The following ZNF805 variants were observed in gnomAD, a reference collection of about 807,000 sequenced individuals.
ZNF805 encodes the protein CTC-444N24.8.
A neutral mutation model predicts 13.6 loss-of-function variants in ZNF805; 7 were observed. The observed-to-expected ratio is 0.51, with a 90% confidence interval of 0.29 to 0.97. The LOEUF is 0.97. Ranked by LOEUF, ZNF805 falls within the 50% of genes least tolerant of loss-of-function variation. The probability of loss-of-function intolerance (pLI) is 0.08; values close to 1 mark genes in which losing one functional copy is unlikely to be tolerated. For missense variants in ZNF805, 604 were observed against 771.0 expected, an observed-to-expected ratio of 0.78 and a Z score of 2.57; for synonymous variants, 293 against 279.8, an observed-to-expected ratio of 1.05 and a Z score of -0.47.
chr19:57,251,950 T>C (rs2087654768), intron 3 of ZNF805, among the ~76,000 whole-genome samples: 1 of 152,206 alleles, frequency 6.6e-6, no homozygotes, highest in African/African-American at 2.4e-5. Context: ...TGTTCTTCTT[T>C]ATTCCCAGTT....
Position 57,240,691 on chromosome 19 carries a change from C to G in ZNF805, c.-201C>G, listed in dbSNP as rs1483243550. 7.7e-6 allele frequency: 4 copies of G among 519,286 alleles called. No homozygotes were observed. The East Asian group carries it at 1.3e-4, about 17-fold the overall frequency. The allele number at this position is 519,286 out of a possible 1,614,324, so 32.2% of individuals were successfully genotyped here. A position where few individuals can be genotyped will look rare whatever the true frequency, so the allele number is the denominator to read the frequency against. ...TGTTCCGTGGCCGCCTCCCTGGCGG[C>G]GCTGGGGAAATGAGCAGGTAGGAGG... On this transcript the variant is annotated 5_prime_UTR_variant, in exon 1 of 4. Coordinates refer to ENST00000414468, the MANE Select transcript of ZNF805 (RefSeq NM_001023563.4).
intron 1 of ZNF805, among the ~76,000 whole-genome samples, chr19:57,242,899 G>A (rs1447853983): frequency 6.6e-6 from 1 of 152,182 alleles, no homozygotes. Flanking sequence ...TTAAAATCCT[G>A]TCTCTTATAT....
rs1017205014 is a variant in ZNF805, at chr19:57,248,664, A to G, written c.217A>G (p.Thr73Ala). 8 of 1,599,072 alleles carry G rather than the reference A, an allele frequency of 5.0e-6. No homozygotes were observed. Among genetic ancestry groups the G allele is most frequent in the Non-Finnish European group, 6.8e-6 (8 of 1,172,332 alleles). The change falls in exon 3 of 4, where the codon ACC becomes GCC. Residue 73 changes from threonine to alanine, a missense_variant. Coordinates refer to ENST00000414468, the MANE Select transcript of ZNF805 (RefSeq NM_001023563.4). ...CCTAGAGCATGGGCAGGAGCCATGG[A>G]CCAGGAAGGAAGACCTCTCCCAAGG... ...YHLEHGQEPW[T>A]RKEDLSQGTC...
chr19:57,258,993 C>T lies in ZNF805; in HGVS notation c.*4290C>T, dbSNP rs945471308. Reference sequence around the variant, plus strand: ...GAGAAACATGTTTGTTCCTTCTGTCCGCTATGGTTTCAGATGAGAAATCTG... The same window carrying T: ...GAGAAACATGTTTGTTCCTTCTGTCTGCTATGGTTTCAGATGAGAAATCTG... On this transcript the variant is annotated 3_prime_UTR_variant, in exon 4 of 4. Transcript: ENST00000414468. Among the ~76,000 whole-genome samples the T allele has an allele frequency of 2.0e-5, 3 of 152,144 alleles. No homozygotes were observed. Among genetic ancestry groups the T allele is most frequent in the African/African-American group, 4.8e-5 (2 of 41,414 alleles).
rs1374634390 is a variant in ZNF805, at chr19:57,255,943, T to G, written c.*1240T>G. On this transcript the variant is annotated 3_prime_UTR_variant, in exon 4 of 4. Coordinates refer to ENST00000414468, the MANE Select transcript of ZNF805 (RefSeq NM_001023563.4). ...GGGGAAATGTTCAGTTTCTCATTAT[T>G]ATGATGTTGAAAGTTGCTTCCAAAG... 6.6e-6 allele frequency among the ~76,000 whole-genome samples: 1 copy of G among 152,168 alleles called. No individual in the cohort carries two copies. The highest frequency in any genetic ancestry group is 1.5e-5 in the Non-Finnish European group (1 of 67,982).
chr19:57,248,847 C>T (rs932403460), intron 3 of ZNF805, 147 bp downstream of exon 3: 8 of 758,000 alleles, frequency 1.1e-5, no homozygotes, highest in Non-Finnish European at 1.8e-5. Flanking sequence ...GTGGTTTCTC[C>T]GTCCTCCCAG....
At position 57,244,033 on chromosome 19, in the gene ZNF805, G is replaced by A. The variant is rs1277402584; in HGVS notation, c.141G>A (p.Gly47=). ...AGGAGGTGATGCTGGAAAACTGTGG[G>A]CTCCTGGTATCTCTGGGTAAGGCCT... ...LYQEVMLENC[G]LLVSLGCPVP... Residue 47 remains glycine, a synonymous_variant, in exon 2 of 4, where the codon GGG becomes GGA. Coordinates refer to ENST00000414468, the MANE Select transcript of ZNF805 (RefSeq NM_001023563.4). The A allele has an allele frequency of 1.9e-6, 3 of 1,613,872 alleles. No individual in the cohort carries two copies. The highest frequency in any genetic ancestry group is 2.5e-6 in the Non-Finnish European group (3 of 1,179,892).
intron 1 of ZNF805, among the ~76,000 whole-genome samples, chr19:57,242,829 C>T (rs946970411): frequency 6.6e-6 from 1 of 152,142 alleles, no homozygotes; most frequent in African/African-American, 2.4e-5. Context: ...AGTAGATTCA[C>T]GTGGGTGGTG....
chr19:57,244,260 T>C (rs1179408314), intron 2 of ZNF805, among the ~76,000 whole-genome samples: 1 of 142,320 alleles, frequency 7.0e-6, no homozygotes, highest in African/African-American at 2.7e-5. Flanking sequence ...CTGGATGCAT[T>C]AGCACGAACT....
At chr19:57,243,355 C>T (rs2087591164) in intron 1 of ZNF805, among the ~76,000 whole-genome samples, 1 of 152,154 alleles carries the variant, frequency 6.6e-6, no homozygotes, top group African/African-American at 2.4e-5. Flanking sequence ...TTAATAAAAT[C>T]CCAAAGTCCA....
At chr19:57,252,010 T>G (rs1008501243) in intron 3 of ZNF805, among the ~76,000 whole-genome samples, 1 of 152,216 alleles carries the variant, frequency 6.6e-6, no homozygotes, top group African/African-American at 2.4e-5. Flanking sequence ...AGCTCTGTCC[T>G]GAGAGTGGCA....
chr19:57,252,925 C>T, intron 3 of ZNF805, 148 bp from the exon 4 acceptor site: 1 of 653,900 alleles, frequency 1.5e-6, no homozygotes, highest in Non-Finnish European at 2.2e-6. Flanking sequence ...ATAAAAGAAA[C>T]AAATTATAGA....
Position 57,256,355 on chromosome 19 carries a change from TG to T in ZNF805, c.*1654del, listed in dbSNP as rs767324287. Among the ~76,000 whole-genome samples the T allele has an allele frequency of 1.3e-5, 2 of 152,184 alleles. No individual in the cohort carries two copies. The highest frequency in any genetic ancestry group is 2.9e-5 in the Non-Finnish European group (2 of 67,988). ...TGATAACTAACCTCCTAACATGAAT[TG>T]GAAGGAATTCTCTTCTGTTTTTTTG... On this transcript the variant is annotated 3_prime_UTR_variant, in exon 4 of 4. Transcript: ENST00000414468.
At chr19:57,253,000 A>G in intron 3 of ZNF805, 73 bp from the exon 4 acceptor site, 1 of 1,270,222 alleles carries the variant, frequency 7.9e-7, no homozygotes, top group Middle Eastern at 2.0e-4. Flanking sequence ...CATTTTTTTT[A>G]CTGAAGTGGT....
chr19:57,251,208 T>C (rs1311998879), intron 3 of ZNF805, among the ~76,000 whole-genome samples: 3 of 152,174 alleles, frequency 2.0e-5, no homozygotes, highest in African/African-American at 4.8e-5. Context: ...ATTCTCATTG[T>C]TTTCTAAAGG....
intron 2 of ZNF805, among the ~76,000 whole-genome samples, 160 bp from the exon 3 acceptor site, chr19:57,248,445 C>A (rs2087632081): frequency 6.6e-6 from 1 of 152,202 alleles, no homozygotes; most frequent in East Asian, 1.9e-4. Context: ...ATGACATGCC[C>A]TGCCCTTGGT....
chr19:57,252,629 G>T (rs973518063), intron 3 of ZNF805, among the ~76,000 whole-genome samples: 1 of 152,164 alleles, frequency 6.6e-6, no homozygotes, highest in Admixed American at 6.5e-5. Flanking sequence ...TCGAGACATT[G>T]CCCACATTGC....
intron 2 of ZNF805, among the ~76,000 whole-genome samples, chr19:57,244,407 C>T (rs1236141402): frequency 1.3e-5 from 2 of 151,932 alleles, no homozygotes; most frequent in Non-Finnish European, 2.9e-5. Context: ...GATGGGGTTT[C>T]ACCATGCTGG....
At chr19:57,251,116 C>T (rs1184372368) in intron 3 of ZNF805, among the ~76,000 whole-genome samples, 1 of 152,156 alleles carries the variant, frequency 6.6e-6, no homozygotes, top group Non-Finnish European at 1.5e-5. Context: ...TCATCTTTCA[C>T]ATGTGTAGGG....
Sources: gnomAD v4.1 joint callset for allele counts (sites outside exome capture counted in the v4.1 genomes callset) on GRCh38, gnomAD v4.1.1 for gene constraint, MANE v1.5 for transcripts, NCBI Gene and HGNC (gene_info 2026-07-23, HGNC 2026-07-21) for gene names.